Variants in CTNNA3 observed in about 807,000 individuals in gnomAD.
CTNNA3 encodes catenin alpha-3.
Under a neutral mutation model 95.7 loss-of-function variants are expected in CTNNA3, and 76 were observed. That is an observed-to-expected ratio of 0.79 (90% CI 0.66 to 0.96). CTNNA3 has a LOEUF of 0.96. Among genes scored for constraint, CTNNA3 ranks in the 40% least tolerant of loss-of-function variants. CTNNA3 has a pLI of 0.00. For synonymous variants in CTNNA3, 431 were observed against 374.4 expected (o/e 1.15, Z -1.74); for missense variants, 1,191 against 1,089.8 (o/e 1.09, Z -1.31).
chr10:67,463,325 G>A (rs1847456202), intron 5 of CTNNA3, among the ~76,000 whole-genome samples: 1 of 152,128 alleles, frequency 6.6e-6, no homozygotes, highest in South Asian at 2.1e-4. Context: ...TCAGCTAAGT[G>A]GGAACAATCA....
chr10:66,876,814 T>A (rs904470660), intron 7 of CTNNA3, among the ~76,000 whole-genome samples: 1 of 151,844 alleles, frequency 6.6e-6, no homozygotes, highest in Admixed American at 6.6e-5. Context: ...GAAAGAGAAG[T>A]CCCCAGGCAC....
chr10:66,301,835 A>T (rs1447952725), intron 12 of CTNNA3, among the ~76,000 whole-genome samples: 1 of 152,040 alleles, frequency 6.6e-6, no homozygotes. Context: ...TCTCACCACT[A>T]GTGAATGTAA....
At chr10:66,510,629 A>AT in intron 11 of CTNNA3, among the ~76,000 whole-genome samples, 1 of 151,602 alleles carries the variant, frequency 6.6e-6, no homozygotes, top group Non-Finnish European at 1.5e-5. Context: ...TTATTAAAAG[A>AT]TTTTTCTGTC....
At chr10:66,066,311 C>T (rs770252152) in intron 15 of CTNNA3, among the ~76,000 whole-genome samples, 8 of 152,112 alleles carry the variant, frequency 5.3e-5, no homozygotes, top group Non-Finnish European at 1.0e-4. Flanking sequence ...ACTACTAAAA[C>T]ATAATCATTA....
At chr10:66,530,105 A>G (rs2132046682) in intron 10 of CTNNA3, among the ~76,000 whole-genome samples, 1 of 152,316 alleles carries the variant, frequency 6.6e-6, no homozygotes, top group African/African-American at 2.4e-5. Context: ...TTTCCCAGAG[A>G]TAGTTCAATA....
At chr10:67,511,384 T>G (rs1042855777) in intron 5 of CTNNA3, among the ~76,000 whole-genome samples, 1 of 152,192 alleles carries the variant, frequency 6.6e-6, no homozygotes, top group Admixed American at 6.5e-5. Flanking sequence ...ATACCTAGTT[T>G]ATTGAGAGTT....
chr10:67,394,306 A>G (rs551564993), intron 5 of CTNNA3, among the ~76,000 whole-genome samples: 2 of 152,172 alleles, frequency 1.3e-5, no homozygotes, highest in Admixed American at 1.3e-4. Context: ...ATATCAAAAA[A>G]AAAAAAAGAA....
intron 5 of CTNNA3, among the ~76,000 whole-genome samples, chr10:67,402,692 C>T (rs151242531): frequency 6.6e-6 from 1 of 152,304 alleles, no homozygotes; most frequent in Non-Finnish European, 1.5e-5. Context: ...CACATTTCTC[C>T]CATGGATCTT....
chr10:66,491,479 C>T (rs1322042333), intron 11 of CTNNA3, among the ~76,000 whole-genome samples: 3 of 152,080 alleles, frequency 2.0e-5, no homozygotes, highest in South Asian at 2.1e-4. Flanking sequence ...CAAAGAAATG[C>T]ACAGAATTAA....
intron 13 of CTNNA3, among the ~76,000 whole-genome samples, chr10:66,138,069 A>T (rs2083442563): frequency 6.6e-6 from 1 of 152,144 alleles, no homozygotes; most frequent in South Asian, 2.1e-4. Context: ...GTAAAAGAAC[A>T]AAATTACTCC....
intron 5 of CTNNA3, among the ~76,000 whole-genome samples, chr10:67,426,118 G>GA (rs1042708722): frequency 2.6e-5 from 4 of 151,994 alleles, no homozygotes; most frequent in Non-Finnish European, 5.9e-5. Context: ...CAAATGGGTA[G>GA]AAAAAACATA....
At chr10:66,525,179 A>G (rs1419326029) in intron 10 of CTNNA3, among the ~76,000 whole-genome samples, 2 of 151,362 alleles carry the variant, frequency 1.3e-5, no homozygotes, top group African/African-American at 4.9e-5. Context: ...AGTCAATAAC[A>G]TCAACAGAGA....
At chr10:66,036,853 GT>G (rs2133476677) in intron 15 of CTNNA3, among the ~76,000 whole-genome samples, 1 of 145,722 alleles carries the variant, frequency 6.9e-6, no homozygotes, top group South Asian at 2.2e-4. Flanking sequence ...AATTTATATA[GT>G]AGTTCCAATT....
At chr10:67,216,573 G>C (rs1864373155) in intron 6 of CTNNA3, among the ~76,000 whole-genome samples, 2 of 152,036 alleles carry the variant, frequency 1.3e-5, no homozygotes, top group African/African-American at 2.4e-5. Flanking sequence ...ACTACATTTA[G>C]GGCATTATTC....
intron 2 of CTNNA3, among the ~76,000 whole-genome samples, chr10:67,637,933 G>T (rs1196698021): frequency 6.6e-6 from 1 of 152,054 alleles, no homozygotes; most frequent in Non-Finnish European, 1.5e-5. Flanking sequence ...AGACCATCAA[G>T]GCTAGGAAGT....
chr10:67,743,734 A>G (rs969043930), intron 1 of CTNNA3, among the ~76,000 whole-genome samples: 1 of 151,286 alleles, frequency 6.6e-6, no homozygotes, highest in Admixed American at 6.6e-5. Context: ...AGATGACATG[A>G]TTGTATATCT....
chr10:66,779,366 T>C (rs1045752763), intron 7 of CTNNA3, among the ~76,000 whole-genome samples: 1 of 151,680 alleles, frequency 6.6e-6, no homozygotes, highest in Non-Finnish European at 1.5e-5. Flanking sequence ...TTTCTTTCTC[T>C]TTCTTTCTTT....
intron 14 of CTNNA3, among the ~76,000 whole-genome samples, chr10:66,093,044 A>C (rs2081270217): frequency 6.6e-6 from 1 of 152,012 alleles, no homozygotes; most frequent in Non-Finnish European, 1.5e-5. Context: ...TATTTTAATG[A>C]AGCTCCACTG....
intron 7 of CTNNA3, among the ~76,000 whole-genome samples, chr10:67,117,566 C>T (rs1343682234): frequency 2.6e-5 from 4 of 151,876 alleles, no homozygotes; most frequent in Non-Finnish European, 5.9e-5. Flanking sequence ...GTAAACAAGT[C>T]GAATTTCAGA....
Sources: allele counts gnomAD v4.1 joint callset (sites outside exome capture counted in the v4.1 genomes callset), GRCh38; gene constraint gnomAD v4.1.1; transcripts MANE v1.5; gene names NCBI Gene and HGNC (gene_info 2026-07-23, HGNC 2026-07-21).